PHKA1: variants seen among roughly 807,000 people sequenced by gnomAD.
PHKA1 encodes phosphorylase kinase regulatory subunit alpha 1.
Under a neutral mutation model 110.2 loss-of-function variants are expected in PHKA1, and 60 were observed. The ratio of observed to expected loss-of-function variants is 0.54; its 90% confidence interval spans 0.44 to 0.68. The LOEUF (loss-of-function observed/expected upper bound fraction) is 0.68, where lower values mean the gene tolerates loss of function less well. Among genes scored for constraint, PHKA1 ranks in the 30% least tolerant of loss-of-function variants. The probability of loss-of-function intolerance (pLI) is 0.00; values close to 1 mark genes in which losing one functional copy is unlikely to be tolerated. For synonymous variants in PHKA1, 316 were observed against 333.6 expected, an observed-to-expected ratio of 0.95 and a Z score of 0.58; for missense variants, 801 against 942.5, an observed-to-expected ratio of 0.85 and a Z score of 1.97.
At chrX:72,706,747 C>G (rs1466947937) in intron 2 of PHKA1, among the ~76,000 whole-genome samples, 1 of 111,299 alleles carries the variant, frequency 9.0e-6, no homozygotes, top group East Asian at 2.8e-4. Context: ...ATTTTACTGC[C>G]TTAGTCATCT....
chrX:72,623,139 A>G lies in PHKA1; in HGVS notation c.1930T>C (p.Trp644Arg). 8.3e-7 allele frequency: 1 copy of G among 1,211,414 alleles called. No homozygotes were observed. Among genetic ancestry groups the G allele is most frequent in the Non-Finnish European group, 1.1e-6 (1 of 895,246 alleles). ...CTGGTTGAATCATAATCATTCATCC[A>G]GTTGCCAGATTCCAGGTAATCATAG... ...DNYDYLESGN[W>R]MNDYDSTSHA... Residue 644 changes from tryptophan to arginine, a missense_variant, in exon 18 of 32, where the codon TGG (tryptophan) becomes CGG (arginine). Physicochemically the swap from Trp to Arg is moderately radical, Grantham distance 101 (BLOSUM62 -3). Around this residue, in one of 2 missense-constraint regions of PHKA1, gnomAD observed 502 missense variants for 519.2 expected, o/e 0.97. Transcript: ENST00000373542.
chrX:72,707,580 A>C (rs1337608631), intron 2 of PHKA1, among the ~76,000 whole-genome samples: 1 of 111,210 alleles, frequency 9.0e-6, no homozygotes, highest in East Asian at 2.8e-4. Context: ...AGTTGAATTA[A>C]AAAACAAACT....
At chrX:72,640,141 G>A (rs1167399938) in intron 14 of PHKA1, among the ~76,000 whole-genome samples, 6 of 111,436 alleles carry the variant, frequency 5.4e-5, no homozygotes, top group Non-Finnish European at 1.1e-4. Context: ...AAGTGTAACA[G>A]CAAGGAAAGA....
chrX:72,661,709 T>C (rs1251717227), intron 8 of PHKA1, among the ~76,000 whole-genome samples: 1 of 96,555 alleles, frequency 1.0e-5, no homozygotes, highest in Non-Finnish European at 2.1e-5. Context: ...CCCTAGGCCA[T>C]GTTCATTGGT....
At chrX:72,702,234 G>A (rs2147836630) in intron 3 of PHKA1, among the ~76,000 whole-genome samples, 1 of 111,126 alleles carries the variant, frequency 9.0e-6, no homozygotes, top group East Asian at 2.8e-4. Flanking sequence ...GATCACTTGA[G>A]GTCAGGAGTT....
chrX:72,679,947 A>G (rs1367277274), intron 5 of PHKA1, among the ~76,000 whole-genome samples: 2 of 111,537 alleles, frequency 1.8e-5, no homozygotes, highest in African/African-American at 6.5e-5. Context: ...TAAATAGAAG[A>G]AACGTGAAGA....
intron 6 of PHKA1, among the ~76,000 whole-genome samples, chrX:72,673,789 AT>A (rs1237390722): frequency 1.9e-4 from 20 of 106,946 alleles, no homozygotes; most frequent in East Asian, 1.5e-3. Context: ...AGGGCAATTT[AT>A]TTTTTTTTTC....
intron 28 of PHKA1, among the ~76,000 whole-genome samples, chrX:72,601,242 G>GA (rs1334328504): frequency 2.7e-5 from 3 of 111,791 alleles, no homozygotes; most frequent in African/African-American, 9.8e-5. Flanking sequence ...TCTTGTTAAA[G>GA]AAAAAATTAT....
chrX:72,710,641 T>C (rs1431398161), intron 2 of PHKA1, among the ~76,000 whole-genome samples: 1 of 111,563 alleles, frequency 9.0e-6, no homozygotes, highest in East Asian at 2.8e-4. Context: ...ACAAAATCTT[T>C]TCTTTTTGAA....
intron 17 of PHKA1, among the ~76,000 whole-genome samples, chrX:72,624,191 G>A (rs1346646841): frequency 2.7e-5 from 3 of 112,012 alleles, no homozygotes; most frequent in Non-Finnish European, 5.6e-5. Flanking sequence ...CCTCTGATAT[G>A]ATGCACTGAA....
At chrX:72,634,746 T>C (rs1174958755) in intron 16 of PHKA1, among the ~76,000 whole-genome samples, 2 of 111,934 alleles carry the variant, frequency 1.8e-5, no homozygotes, top group Non-Finnish European at 3.8e-5. Context: ...AAAATAATTG[T>C]ATGAATAAAA....
intron 5 of PHKA1, among the ~76,000 whole-genome samples, chrX:72,682,280 G>A (rs1408098558): frequency 1.0e-5 from 1 of 99,137 alleles, no homozygotes; most frequent in African/African-American, 3.7e-5. Context: ...CCGTCCGGGA[G>A]GGAGGTGGGG....
chrX:72,608,844 G>A (rs2052767125), intron 23 of PHKA1, among the ~76,000 whole-genome samples: 1 of 111,568 alleles, frequency 9.0e-6, no homozygotes, highest in Non-Finnish European at 1.9e-5. Flanking sequence ...CTGGCAAGCA[G>A]GGGGGAATAC....
chrX:72,633,228 A>G (rs1309215014), intron 16 of PHKA1, among the ~76,000 whole-genome samples: 1 of 111,908 alleles, frequency 8.9e-6, no homozygotes, highest in African/African-American at 3.2e-5. Flanking sequence ...TAGCATTAAG[A>G]AGTAGGCCAT....
intron 16 of PHKA1, among the ~76,000 whole-genome samples, chrX:72,632,323 T>G (rs368491125): frequency 8.9e-6 from 1 of 111,962 alleles, no homozygotes; most frequent in East Asian, 2.8e-4. Context: ...AATACTTGCT[T>G]TATACATTTA....
chrX:72,701,813 C>A (rs1556329747), intron 3 of PHKA1, among the ~76,000 whole-genome samples: 1 of 112,134 alleles, frequency 8.9e-6, no homozygotes. Flanking sequence ...TCTTGCTGCA[C>A]TGTATACAAA....
At chrX:72,628,275 T>C (rs982029899) in intron 16 of PHKA1, among the ~76,000 whole-genome samples, 5 of 111,195 alleles carry the variant, frequency 4.5e-5, no homozygotes, top group African/African-American at 1.6e-4. Flanking sequence ...ATTTCTTTTA[T>C]GAATTGCCTG....
chrX:72,667,603 A>C, intron 6 of PHKA1, 130 bp from the exon 7 acceptor site: 1 of 520,369 alleles, frequency 1.9e-6, no homozygotes. Flanking sequence ...TATATAATAC[A>C]AAAACATTAT....
rs61732499 is a variant in PHKA1 at position 72,611,121 on chromosome X, G to A, written c.2433C>T (p.Thr811=). 443 of 1,199,405 alleles carry A rather than the reference G, an allele frequency of 3.7e-4. No individual in the cohort carries two copies. The African/African-American group carries it at 6.3e-3, about 17-fold the overall frequency. The change falls in exon 22 of 32, where the codon ACC becomes ACT. Residue 811 remains threonine (T), a synonymous_variant. Coordinates refer to ENST00000373542, the MANE Select transcript of PHKA1 (RefSeq NM_002637.4). The stretch of plus-strand genomic sequence containing the variant: ...TTTCTCCCACTTTGCCATACAGCTC[G>A]GTAAGAAGCTCTCTCACTGTAGCAC... The part of the protein sequence containing the change: ...ERSATVRELL[T]ELYGKVGEIR...
Sources: gnomAD v4.1 joint callset for allele counts (sites outside exome capture counted in the v4.1 genomes callset) on GRCh38, gnomAD v4.1.1 for gene constraint, gnomAD v4.1.1 regional missense constraint, MANE v1.5 for transcripts, NCBI Gene and HGNC (gene_info 2026-07-23, HGNC 2026-07-21) for gene names.